Variants in STK32B observed in about 807,000 individuals in gnomAD.
The protein encoded by STK32B is serine/threonine-protein kinase 32B.
Under a neutral mutation model 52.6 loss-of-function variants are expected in STK32B, and 43 were observed. The ratio of observed to expected loss-of-function variants is 0.82; its 90% CI spans 0.64 to 1.05. The LOEUF (loss-of-function observed/expected upper bound fraction) is 1.05, where lower values mean the gene tolerates loss of function less well. Ranked by LOEUF, STK32B falls within the 50% of genes least tolerant of loss-of-function variation. STK32B has a pLI of 0.00. For synonymous variants in STK32B, 238 were observed against 204.3 expected (o/e 1.17, Z -1.41); for missense variants, 621 against 534.6 (o/e 1.16, Z -1.59).
intron 3 of STK32B, among the ~76,000 whole-genome samples, chr4:5,225,938 TC>T (rs771959393): frequency 7.2e-5 from 11 of 152,204 alleles, no homozygotes; most frequent in Non-Finnish European, 1.5e-4. Flanking sequence ...TTCCTGTTTT[TC>T]CCTCTCAAAT....
intron 2 of STK32B, among the ~76,000 whole-genome samples, chr4:5,150,185 G>A (rs892833865): frequency 2.0e-5 from 3 of 151,932 alleles, no homozygotes; most frequent in Non-Finnish European, 4.4e-5. Flanking sequence ...TTTTCCTATG[G>A]TATGCATAGG....
At chr4:5,074,476 T>C (rs773042757) in intron 1 of STK32B, among the ~76,000 whole-genome samples, 1 of 152,074 alleles carries the variant, frequency 6.6e-6, no homozygotes, top group Non-Finnish European at 1.5e-5. Flanking sequence ...AATTTCAACA[T>C]CTTAGTCATG....
intron 1 of STK32B, among the ~76,000 whole-genome samples, chr4:5,114,197 G>C (rs1401495064): frequency 6.6e-6 from 1 of 151,578 alleles, no homozygotes; most frequent in Admixed American, 6.6e-5. Flanking sequence ...TCCCATCTCA[G>C]TGTCTTTGAA....
At chr4:5,250,405 C>A (rs1211630029) in intron 3 of STK32B, among the ~76,000 whole-genome samples, 3 of 151,238 alleles carry the variant, frequency 2.0e-5, no homozygotes, top group African/African-American at 7.3e-5. Context: ...CTCCGCCTCC[C>A]GGCTTCAAGA....
At chr4:5,196,499 G>C (rs552476896) in intron 3 of STK32B, among the ~76,000 whole-genome samples, 1 of 151,732 alleles carries the variant, frequency 6.6e-6, no homozygotes, top group Non-Finnish European at 1.5e-5. Flanking sequence ...ACGGTGCGTA[G>C]ATCACGAGGT....
chr4:5,065,691 T>A (rs4377531), intron 1 of STK32B, among the ~76,000 whole-genome samples: 3,173 of 152,206 alleles, frequency 0.021, 106 homozygotes, highest in African/African-American at 0.073. Context: ...AATAAATTAA[T>A]AACTAACATA....
At chr4:5,347,114 G>A (rs554555958) in intron 4 of STK32B, among the ~76,000 whole-genome samples, 1 of 152,258 alleles carries the variant, frequency 6.6e-6, no homozygotes, top group African/African-American at 2.4e-5. Context: ...ATGAGATTTG[G>A]GTGGGGACAC....
intron 6 of STK32B, among the ~76,000 whole-genome samples, chr4:5,423,920 G>A (rs1010057032): frequency 6.6e-6 from 1 of 152,126 alleles, no homozygotes; most frequent in African/African-American, 2.4e-5. Flanking sequence ...TTGGAGAGGC[G>A]GGATTCCTGC....
At chr4:5,100,787 C>CCCTGCT (rs1173475627) in intron 1 of STK32B, among the ~76,000 whole-genome samples, 20,810 of 106,586 alleles carry the variant, frequency 0.2, 2,920 homozygotes, top group East Asian at 0.55. Flanking sequence ...CTTCTTCCTT[C>CCCTGCT]CTTTATTCCT....
intron 6 of STK32B, among the ~76,000 whole-genome samples, chr4:5,421,777 G>A (rs909233499): frequency 1.3e-5 from 2 of 152,176 alleles, no homozygotes; most frequent in Admixed American, 6.5e-5. Context: ...TTGGGACCTC[G>A]CTACCTGCCT....
intron 3 of STK32B, among the ~76,000 whole-genome samples, chr4:5,300,024 C>T (rs1224499251): frequency 6.9e-6 from 1 of 145,372 alleles, no homozygotes; most frequent in Non-Finnish European, 1.5e-5. Context: ...GATAGACATA[C>T]ATGCCAATAT....
intron 1 of STK32B, among the ~76,000 whole-genome samples, chr4:5,078,454 A>G (rs1712215123): frequency 6.6e-6 from 1 of 152,184 alleles, no homozygotes; most frequent in Non-Finnish European, 1.5e-5. Context: ...ATTCAAGTAA[A>G]ATGCAAGGCC....
At chr4:5,253,067 C>T (rs1726049574) in intron 3 of STK32B, among the ~76,000 whole-genome samples, 1 of 152,148 alleles carries the variant, frequency 6.6e-6, no homozygotes, top group Non-Finnish European at 1.5e-5. Flanking sequence ...CCAGACCTTT[C>T]TTCCTAGGTT....
chr4:5,440,904 C>T (rs1046849159), intron 6 of STK32B, among the ~76,000 whole-genome samples: 1 of 151,230 alleles, frequency 6.6e-6, no homozygotes, highest in Admixed American at 6.6e-5. Flanking sequence ...TGCTGGATTA[C>T]ATTTATTGAT....
intron 4 of STK32B, among the ~76,000 whole-genome samples, chr4:5,369,994 G>C (rs1735123994): frequency 6.6e-6 from 1 of 151,928 alleles, no homozygotes; most frequent in Non-Finnish European, 1.5e-5. Flanking sequence ...TCCTGCCTCA[G>C]CCTCCCGAGT....
chr4:5,162,736 A>T (rs994154577), intron 2 of STK32B, among the ~76,000 whole-genome samples: 5 of 152,188 alleles, frequency 3.3e-5, no homozygotes, highest in African/African-American at 1.2e-4. Context: ...TTCCTGTGGA[A>T]AAAGGCTCTG....
chr4:5,113,997 C>T (rs921308629), intron 1 of STK32B, among the ~76,000 whole-genome samples: 9 of 152,068 alleles, frequency 5.9e-5, no homozygotes, highest in Non-Finnish European at 1.3e-4. Context: ...AAGACCTGCT[C>T]CCATGATTCA....
At chr4:5,323,148 C>A (rs73091676) in intron 3 of STK32B, among the ~76,000 whole-genome samples, 2,848 of 152,220 alleles carry the variant, frequency 0.019, 67 homozygotes, top group African/African-American at 0.05. Context: ...AGACAGGAGT[C>A]TGACAGGTGG....
intron 3 of STK32B, among the ~76,000 whole-genome samples, chr4:5,193,969 G>C (rs565095321): frequency 1.3e-5 from 2 of 152,148 alleles, no homozygotes; most frequent in African/African-American, 4.8e-5. Flanking sequence ...TCATGCTCCT[G>C]CACCTCTCAG....
Sources: allele counts gnomAD v4.1 joint callset (sites outside exome capture counted in the v4.1 genomes callset), GRCh38; gene constraint gnomAD v4.1.1; transcripts MANE v1.5; gene names NCBI Gene and HGNC (gene_info 2026-07-23, HGNC 2026-07-21).